The following SEC22A variants were observed in gnomAD, a reference collection of about 807,000 sequenced individuals.
The protein encoded by SEC22A is SEC22 homolog A, vesicle trafficking protein, also known as vesicle-trafficking protein SEC22a.
SEC22A carries 22 observed loss-of-function variants against 35.3 expected under a neutral mutation model. The observed-to-expected ratio is 0.62, with a 90% CI of 0.45 to 0.89. SEC22A has a LOEUF of 0.89. Ranked by LOEUF, SEC22A falls within the 40% of genes least tolerant of loss-of-function variation. SEC22A has a pLI of 0.00. For missense variants in SEC22A, 354 were observed against 362.5 expected, an observed-to-expected ratio of 0.98 and a Z score of 0.19; for synonymous variants, 119 against 129.5, an observed-to-expected ratio of 0.92 and a Z score of 0.55.
intron 5 of SEC22A, among the ~76,000 whole-genome samples, chr3:123,258,940 G>A: frequency 6.6e-6 from 1 of 152,104 alleles, no homozygotes; most frequent in East Asian, 1.9e-4. Flanking sequence ...CTATGCATGA[G>A]GTATCTCTGT....
intron 6 of SEC22A, among the ~76,000 whole-genome samples, chr3:123,265,103 G>A (rs1937997559): frequency 6.6e-6 from 1 of 152,110 alleles, no homozygotes; most frequent in African/African-American, 2.4e-5. Context: ...TACTGAACAT[G>A]TACAGACTTT....
chr3:123,239,980 G>C (rs895473769), intron 4 of SEC22A, among the ~76,000 whole-genome samples: 9 of 152,290 alleles, frequency 5.9e-5, no homozygotes, highest in African/African-American at 2.2e-4. Context: ...TGGGGCATAG[G>C]TTCTATCTCT....
At chr3:123,249,339 C>T (rs760015548) in intron 5 of SEC22A, among the ~76,000 whole-genome samples, 9 of 152,106 alleles carry the variant, frequency 5.9e-5, no homozygotes, top group Admixed American at 1.3e-4. Context: ...CTCCCCTCCC[C>T]GGAGGGTGGG....
At chr3:123,241,011 ACAC>A (rs1937515223) in intron 4 of SEC22A, among the ~76,000 whole-genome samples, 1 of 133,112 alleles carries the variant, frequency 7.5e-6, no homozygotes. Context: ...TTACACACAC[ACAC>A]ACACACACAC....
At chr3:123,246,433 C>T (rs981030713) in intron 5 of SEC22A, among the ~76,000 whole-genome samples, 6 of 152,182 alleles carry the variant, frequency 3.9e-5, no homozygotes, top group African/African-American at 1.4e-4. Context: ...AGACAGAGAG[C>T]AGTGGAAGAA....
intron 2 of SEC22A, among the ~76,000 whole-genome samples, chr3:123,215,278 A>C (rs1356785097): frequency 1.3e-5 from 2 of 152,200 alleles, no homozygotes; most frequent in Non-Finnish European, 2.9e-5. Context: ...TCATTTCTAC[A>C]GTCTCTCACC....
intron 4 of SEC22A, among the ~76,000 whole-genome samples, chr3:123,232,791 A>G (rs1214453871): frequency 6.6e-6 from 1 of 152,234 alleles, no homozygotes; most frequent in Non-Finnish European, 1.5e-5. Flanking sequence ...ATGAATATGG[A>G]CACAAAAGTC....
At chr3:123,224,411 A>C (rs1435077152) in intron 3 of SEC22A, among the ~76,000 whole-genome samples, 2 of 152,240 alleles carry the variant, frequency 1.3e-5, no homozygotes, top group African/African-American at 4.8e-5. Context: ...ATTTATAAAA[A>C]CATGCAACTT....
Position 123,259,515 on chromosome 3 carries a change from C to T in SEC22A, c.658-9C>T. Reference sequence around the variant, plus strand: ...GAAACAAAAATAATCTTTTATTTTGCTTTTGCAGAGTGATGGTGATGATTT... The same window carrying T: ...GAAACAAAAATAATCTTTTATTTTGTTTTTGCAGAGTGATGGTGATGATTT... On this transcript the variant is annotated splice_polypyrimidine_tract_variant and intron_variant, in intron 5 of 6. Coordinates refer to ENST00000492595, the MANE Select transcript of SEC22A (RefSeq NM_012430.5). 1 of 1,607,318 alleles carries T rather than the reference C, an allele frequency of 6.2e-7. No individual in the cohort carries two copies. The highest frequency in any genetic ancestry group is 1.1e-5 in the South Asian group (1 of 90,492).
At chr3:123,249,704 A>G (rs1025678781) in intron 5 of SEC22A, among the ~76,000 whole-genome samples, 5 of 151,948 alleles carry the variant, frequency 3.3e-5, no homozygotes, top group Non-Finnish European at 5.9e-5. Context: ...TTGTATTTTT[A>G]GTAGAGATGG....
intron 6 of SEC22A, among the ~76,000 whole-genome samples, chr3:123,268,664 C>T (rs2108111373): frequency 6.6e-6 from 1 of 152,294 alleles, no homozygotes; most frequent in Non-Finnish European, 1.5e-5. Context: ...CATCTGTCTA[C>T]ATAGCCAGGA....
chr3:123,203,169 C>T (rs1362180284), intron 1 of SEC22A, among the ~76,000 whole-genome samples: 2 of 140,130 alleles, frequency 1.4e-5, no homozygotes, highest in Non-Finnish European at 3.0e-5. Flanking sequence ...GTGCCTGTGA[C>T]CTTCCTTGAG....
At chr3:123,252,567 T>C (rs1457824054) in intron 5 of SEC22A, among the ~76,000 whole-genome samples, 4 of 152,210 alleles carry the variant, frequency 2.6e-5, no homozygotes, top group African/African-American at 4.8e-5. Context: ...TTGAGTAATA[T>C]ATAGACATTA....
At chr3:123,241,002 TACACACACACACACACACAC>T (rs35775511) in intron 4 of SEC22A, among the ~76,000 whole-genome samples, 14 of 142,676 alleles carry the variant, frequency 9.8e-5, no homozygotes, top group Admixed American at 2.1e-4. Context: ...CTCTCTTTCT[TACACACACACACACACACAC>T]ACACACACAC....
intron 2 of SEC22A, among the ~76,000 whole-genome samples, chr3:123,214,195 AAAAT>A (rs1171425959): frequency 2.0e-5 from 3 of 152,108 alleles, no homozygotes; most frequent in African/African-American, 4.8e-5. Flanking sequence ...ACTCTGCCTC[AAAAT>A]AAATAAATAA....
At chr3:123,247,917 G>T (rs1157540367) in intron 5 of SEC22A, among the ~76,000 whole-genome samples, 1 of 152,186 alleles carries the variant, frequency 6.6e-6, no homozygotes, top group Non-Finnish European at 1.5e-5. Flanking sequence ...ACCCTTAGAA[G>T]CCAATTAATC....
intron 2 of SEC22A, among the ~76,000 whole-genome samples, chr3:123,213,481 C>G (rs1258729784): frequency 6.6e-6 from 1 of 152,194 alleles, no homozygotes; most frequent in East Asian, 1.9e-4. Flanking sequence ...CCTTCAAACC[C>G]TACTTCTTTT....
At chr3:123,222,046 A>G (rs947163914) in intron 2 of SEC22A, among the ~76,000 whole-genome samples, 7 of 152,092 alleles carry the variant, frequency 4.6e-5, no homozygotes, top group African/African-American at 1.7e-4. Flanking sequence ...CAGTAAATTT[A>G]ATGTTCCTAC....
In SEC22A at chr3:123,245,925, C is replaced by G; in HGVS notation, c.568C>G (p.Leu190Val). The stretch of plus-strand genomic sequence containing the variant: ...TCACCAGCGACTGGAACCAGCAACT[C>G]TGTCAGGGATTGTAGGATTTATCCT... ...SAHQRLEPAT[L>V]SGIVGFILSL... Residue 190 changes from leucine (L) to valine (V), a missense_variant, in exon 5 of 7, where the codon CTG becomes GTG. By Grantham distance (32) the Leu-to-Val change is conservative. Coordinates refer to ENST00000492595, the MANE Select transcript of SEC22A (RefSeq NM_012430.5). 4 of 1,610,466 alleles carry G rather than the reference C, an allele frequency of 2.5e-6. No homozygotes were observed. Among genetic ancestry groups the G allele is most frequent in the Non-Finnish European group, 3.4e-6 (4 of 1,177,334 alleles).
Sources: gnomAD v4.1 joint callset for allele counts (sites outside exome capture counted in the v4.1 genomes callset) on GRCh38, gnomAD v4.1.1 for gene constraint, MANE v1.5 for transcripts, NCBI Gene and HGNC (gene_info 2026-07-23, HGNC 2026-07-21) for gene names.